CCDC13: variants seen among roughly 807,000 people sequenced by gnomAD.
CCDC13 encodes the protein coiled-coil domain containing 13, also known as coiled-coil domain-containing protein 13.
Under a neutral mutation model 87.3 loss-of-function variants are expected in CCDC13, and 70 were observed. That is an observed-to-expected ratio of 0.80 (90% CI 0.66 to 0.98). CCDC13 has a LOEUF of 0.98. CCDC13 is among the 50% of genes least tolerant of loss of function. CCDC13 has a pLI of 0.00. For missense variants in CCDC13, 842 were observed against 892.0 expected (o/e 0.94, Z 0.71); for synonymous variants, 317 against 360.3 (o/e 0.88, Z 1.36).
At chr3:42,752,801 C>A in intron 3 of CCDC13, 84 bp from the exon 4 acceptor site, 1 of 1,526,736 alleles carries the variant, frequency 6.5e-7, no homozygotes, top group South Asian at 1.2e-5. Flanking sequence ...GCACCAGGGT[C>A]TTAAAAGCTA....
intron 1 of CCDC13, among the ~76,000 whole-genome samples, chr3:42,769,515 C>T (rs1385145136): frequency 1.3e-5 from 2 of 152,272 alleles, no homozygotes; most frequent in Non-Finnish European, 2.9e-5. Context: ...AAAACCTGCA[C>T]ATGAAATGTT....
At chr3:42,710,718 T>C (rs1314060316) in intron 14 of CCDC13, among the ~76,000 whole-genome samples, 1 of 152,080 alleles carries the variant, frequency 6.6e-6, no homozygotes, top group Non-Finnish European at 1.5e-5. Flanking sequence ...ACCTCAAGAC[T>C]AGTCTTGTGT....
chr3:42,756,483 T>C (rs1325164472), intron 3 of CCDC13, among the ~76,000 whole-genome samples: 1 of 152,046 alleles, frequency 6.6e-6, no homozygotes, highest in East Asian at 1.9e-4. Context: ...GCCCACACCT[T>C]GTTGGTGGTT....
chr3:42,713,029 A>C, intron 14 of CCDC13, 133 bp downstream of exon 14: 1 of 1,024,956 alleles, frequency 9.8e-7, no homozygotes, highest in Non-Finnish European at 1.4e-6. Context: ...GGAGGCAGGC[A>C]GAGCTCCACC....
At chr3:42,730,381 A>G in intron 13 of CCDC13, 86 bp downstream of exon 13, 1 of 1,545,906 alleles carries the variant, frequency 6.5e-7, no homozygotes, top group Non-Finnish European at 8.8e-7. Flanking sequence ...CTCTCAGGTG[A>G]GGAGGACCCA....
intron 12 of CCDC13, among the ~76,000 whole-genome samples, chr3:42,732,286 G>A (rs1308918349): frequency 2.0e-5 from 3 of 152,226 alleles, no homozygotes; most frequent in African/African-American, 7.2e-5. Context: ...GAGCCACAGA[G>A]ATGAGGGACT....
chr3:42,756,210 A>G (rs1699700412), intron 3 of CCDC13, among the ~76,000 whole-genome samples: 3 of 152,354 alleles, frequency 2.0e-5, no homozygotes, highest in South Asian at 4.1e-4. Context: ...GGTGACATCT[A>G]TAATACTTTC....
chr3:42,732,346 G>C (rs374599367), intron 12 of CCDC13, among the ~76,000 whole-genome samples: 1 of 152,192 alleles, frequency 6.6e-6, no homozygotes. Context: ...TGCCTGAGGG[G>C]TCAGGGTGGG....
intron 13 of CCDC13, among the ~76,000 whole-genome samples, chr3:42,721,903 G>T (rs888209100): frequency 2.0e-5 from 3 of 152,216 alleles, no homozygotes; most frequent in African/African-American, 4.8e-5. Flanking sequence ...CGAGGGATGG[G>T]TCATGTGAAA....
Position 42,746,036 on chromosome 3 carries a change from A to G in CCDC13, c.721-9T>C. ...ACCTCTCTGGCCAAAACCTGAAATAAGGCAGGGCCTTCAATGTGGCCAAAA... is the reference window on the plus strand; with the variant it reads ...ACCTCTCTGGCCAAAACCTGAAATAGGGCAGGGCCTTCAATGTGGCCAAAA... On this transcript the variant is annotated splice_polypyrimidine_tract_variant and intron_variant, in intron 6 of 15. Transcript: ENST00000310232. The G allele has an allele frequency of 6.2e-7, 1 of 1,610,522 alleles. No homozygotes were observed. Among genetic ancestry groups the G allele is most frequent in the South Asian group, 1.1e-5 (1 of 90,984 alleles).
chr3:42,731,826 T>C (rs1698840349), intron 12 of CCDC13, among the ~76,000 whole-genome samples: 1 of 152,152 alleles, frequency 6.6e-6, no homozygotes, highest in African/African-American at 2.4e-5. Flanking sequence ...GAGGGGACTG[T>C]AAGCTCCATG....
chr3:42,719,382 CCTCTCTCT>C (rs71072728), intron 13 of CCDC13: 678 of 52,348 alleles, frequency 0.013, 3 homozygotes, highest in African/African-American at 0.028. Context: ...GCAGTGCTTT[CCTCTCTCT>C]CTCTCTCTCT....
Position 42,713,189 on chromosome 3 carries a change from G to C in CCDC13, c.1846C>G (p.Gln616Glu), listed in dbSNP as rs901736657. The change falls in exon 14 of 16, where the codon CAG becomes GAG. Residue 616 changes from glutamine (Q) to glutamate (E), a missense_variant. By Grantham distance (29) the Gln-to-Glu change is conservative. Transcript: ENST00000310232. ...RLEPGKASAS[Q>E]RAAPRTKTGL... ...GTTTTGGTCCTGGGAGCTGCTCTCTGGGAGGCTGATGCCTTCCCTGGCTCC... is the reference window on the plus strand; with the variant it reads ...GTTTTGGTCCTGGGAGCTGCTCTCTCGGAGGCTGATGCCTTCCCTGGCTCC... 1.4e-5 allele frequency: 23 copies of C among 1,614,026 alleles called. No homozygotes were observed. The highest frequency in any genetic ancestry group is 1.9e-5 in the Non-Finnish European group (23 of 1,180,002).
chr3:42,751,459 G>C (rs916594325), intron 5 of CCDC13, among the ~76,000 whole-genome samples: 1 of 152,212 alleles, frequency 6.6e-6, no homozygotes, highest in South Asian at 2.1e-4. Flanking sequence ...CCACGAAAGG[G>C]AAAGTGTTCA....
chr3:42,744,363 G>C (rs766792207), intron 7 of CCDC13, among the ~76,000 whole-genome samples: 6 of 152,078 alleles, frequency 3.9e-5, no homozygotes, highest in Non-Finnish European at 7.4e-5. Flanking sequence ...AAACAATGTT[G>C]GTAAACTTGA....
intron 1 of CCDC13, among the ~76,000 whole-genome samples, chr3:42,768,679 A>G (rs1293567594): frequency 1.4e-5 from 2 of 143,250 alleles, no homozygotes; most frequent in Non-Finnish European, 1.5e-5. Flanking sequence ...CCTGGGCTAC[A>G]GAGAAAGACT....
intron 13 of CCDC13, chr3:42,719,473 T>C (rs1231556012): frequency 1.3e-5 from 2 of 151,874 alleles, no homozygotes; most frequent in Non-Finnish European, 1.5e-5. Context: ...AAGTTTTAAT[T>C]AATTAGAAAA....
chr3:42,767,691 C>A (rs1284993636), intron 1 of CCDC13, among the ~76,000 whole-genome samples: 1 of 152,192 alleles, frequency 6.6e-6, no homozygotes, highest in Non-Finnish European at 1.5e-5. Flanking sequence ...ACTTACTAGG[C>A]TAGGCGTGGT....
At chr3:42,716,960 C>G (rs1698444907) in intron 13 of CCDC13, among the ~76,000 whole-genome samples, 1 of 152,170 alleles carries the variant, frequency 6.6e-6, no homozygotes, top group Non-Finnish European at 1.5e-5. Flanking sequence ...AAATGTGGTA[C>G]ATGCACACAA....
Sources: allele counts gnomAD v4.1 joint callset (sites outside exome capture counted in the v4.1 genomes callset), GRCh38; gene constraint gnomAD v4.1.1; transcripts MANE v1.5; gene names NCBI Gene and HGNC (gene_info 2026-07-23, HGNC 2026-07-21).